ELMOD1: variants seen among roughly 807,000 people sequenced by gnomAD.
ELMOD1 encodes ELMO domain-containing protein 1.
A neutral mutation model predicts 46.7 loss-of-function variants in ELMOD1; 21 were observed. The ratio of observed to expected loss-of-function variants is 0.45; its 90% CI spans 0.32 to 0.65. The LOEUF (loss-of-function observed/expected upper bound fraction) is 0.65, where lower values mean the gene tolerates loss of function less well. Among genes scored for constraint, ELMOD1 ranks in the 30% least tolerant of loss-of-function variants. ELMOD1 has a pLI of 0.04. For synonymous variants in ELMOD1, 122 were observed against 138.2 expected (o/e 0.88, Z 0.82); for missense variants, 348 against 407.8 (o/e 0.85, Z 1.26).
chr11:107,592,905 C>T (rs1452284170), intron 1 of ELMOD1: 1 of 153,062 alleles, frequency 6.5e-6, no homozygotes, highest in Non-Finnish European at 1.5e-5. Flanking sequence ...AAAAAGCCTG[C>T]TTTTCTCCCA....
chr11:107,657,364 C>G (rs994831007), intron 11 of ELMOD1, among the ~76,000 whole-genome samples: 2 of 151,996 alleles, frequency 1.3e-5, no homozygotes, highest in Admixed American at 6.6e-5. Flanking sequence ...GGCAACATAG[C>G]GAGACCCTGA....
Position 107,665,389 on chromosome 11 carries a change from G to A in ELMOD1, c.*192G>A, listed in dbSNP as rs1448040626. 24 of 583,696 alleles carry A rather than the reference G, an allele frequency of 4.1e-5. No homozygotes were observed. The East Asian group carries it at 6.6e-4, about 16-fold the overall frequency. 36.2% of individuals were successfully genotyped at this position (583,696 alleles called of 1,614,324 possible). A position where few individuals can be genotyped will look rare whatever the true frequency, so the allele number is the denominator to read the frequency against. On this transcript the variant is annotated 3_prime_UTR_variant, in exon 12 of 12. Transcript: ENST00000265840. ...CTGTTTCTGGAGTATCTGTCATCCA[G>A]TGACTGCTCATATTGTGGCATTATG...
intron 7 of ELMOD1, among the ~76,000 whole-genome samples, chr11:107,649,173 A>G (rs541762998): frequency 5.9e-5 from 9 of 152,360 alleles, no homozygotes; most frequent in Admixed American, 5.2e-4. Flanking sequence ...GAGCTTTCAA[A>G]TAACTGGGAC....
intron 6 of ELMOD1, among the ~76,000 whole-genome samples, chr11:107,637,326 C>A (rs112572289): frequency 5.3e-4 from 81 of 152,272 alleles, no homozygotes; most frequent in Admixed American, 1.0e-3. Flanking sequence ...GCATTAGGTA[C>A]TTTGGGGAAA....
At position 107,657,217 on chromosome 11, in the gene ELMOD1, C is replaced by T. The variant is rs1404102619; in HGVS notation, c.832+1151C>T. Among the ~76,000 whole-genome samples, 4 of 152,132 alleles carry T rather than the reference C, an allele frequency of 2.6e-5. No individual in the cohort carries two copies. In the East Asian group the frequency reaches 5.8e-4, roughly 22 times the overall value. ...ATGACATTGGACTTCTCAACAGCAA[C>T]GTTGTATTCTAAAAAATAGAATATT... On this transcript the variant is annotated intron_variant, in intron 11 of 11. Coordinates refer to ENST00000265840, the MANE Select transcript of ELMOD1 (RefSeq NM_018712.4).
At chr11:107,620,565 G>A (rs1480173417) in intron 2 of ELMOD1, 1 of 152,214 alleles carries the variant, frequency 6.6e-6, no homozygotes, top group East Asian at 1.9e-4. Context: ...TAGCCATGAT[G>A]TGCATGAAAA....
Position 107,630,399 on chromosome 11 carries a change from G to T in ELMOD1, c.18-18G>T. 1 of 1,584,684 alleles carries T rather than the reference G, an allele frequency of 6.3e-7. No homozygotes were observed. The highest frequency in any genetic ancestry group is 2.3e-5 in the East Asian group (1 of 44,256). ...TCCAGAGTTCTATTGGAAGGGTGCTGTGTTTTGTTTTTCACAGAATGTTGA... is the reference window on the plus strand; with the variant it reads ...TCCAGAGTTCTATTGGAAGGGTGCTTTGTTTTGTTTTTCACAGAATGTTGA... On this transcript the variant is annotated intron_variant, in intron 2 of 11. Transcript: ENST00000265840.
chr11:107,645,010 G>A (rs1358926683), intron 6 of ELMOD1, among the ~76,000 whole-genome samples: 3 of 150,162 alleles, frequency 2.0e-5, no homozygotes, highest in South Asian at 2.1e-4. Flanking sequence ...TGCAAGCTCC[G>A]CCTCTGGGTT....
rs781338940 is a variant in ELMOD1, at chr11:107,647,618, A to G, written c.554+17A>G. On this transcript the variant is annotated intron_variant, in intron 7 of 11. Transcript: ENST00000265840. ...CAATTTGCAGTAAGTAAAATGAAGG[A>G]CAGCTAAGTGTTCGAGTGATGTTTT... 5.0e-6 allele frequency: 8 copies of G among 1,609,288 alleles called. No individual in the cohort carries two copies. In the East Asian group the frequency reaches 6.7e-5, roughly 13 times the overall value.
chr11:107,617,622 C>T (rs922628558), intron 1 of ELMOD1, among the ~76,000 whole-genome samples: 1 of 152,156 alleles, frequency 6.6e-6, no homozygotes, highest in Non-Finnish European at 1.5e-5. Flanking sequence ...TAGTATCTTG[C>T]GCTTTAAGTG....
At position 107,621,594 on chromosome 11, in the gene ELMOD1, T is replaced by G. The variant is rs1480040667; in HGVS notation, c.17+3388T>G. 3.8e-5 allele frequency among the ~76,000 whole-genome samples: 3 copies of G among 78,480 alleles called. No homozygotes were observed. The East Asian group carries it at 1.4e-3, about 36-fold the overall frequency. 51.5% of individuals were successfully genotyped at this position (78,480 alleles called of 152,430 possible). A position where few individuals can be genotyped will look rare whatever the true frequency, so the allele number is the denominator to read the frequency against. On this transcript the variant is annotated intron_variant, in intron 2 of 11. Transcript: ENST00000265840. ...ATTTTACAAAGGAGGACAAGGAGGC[T>G]TAGTAAAGTTAAGTGACTTCAACAA...
At chr11:107,648,796 A>G (rs1202755099) in intron 7 of ELMOD1, among the ~76,000 whole-genome samples, 1 of 149,806 alleles carries the variant, frequency 6.7e-6, no homozygotes, top group Non-Finnish European at 1.5e-5. Context: ...TTAAAACACC[A>G]CTTGTTAACT....
intron 6 of ELMOD1, chr11:107,643,342 G>A (rs1866359536): frequency 4.5e-6 from 1 of 220,958 alleles, no homozygotes; most frequent in Non-Finnish European, 8.9e-6. Flanking sequence ...ACTCCAGCCT[G>A]GGTGACAGAA....
intron 6 of ELMOD1, among the ~76,000 whole-genome samples, chr11:107,646,977 TCTATCTATCTAC>T (rs750235310): frequency 5.7e-4 from 87 of 151,620 alleles, no homozygotes; most frequent in Admixed American, 5.9e-4. Flanking sequence ...TATCTATCTA[TCTATCTATCTAC>T]CTATCTACCT....
At chr11:107,655,907 T>C (rs1378160998) in intron 10 of ELMOD1, 26 bp from the exon 11 acceptor site, 6 of 1,596,392 alleles carry the variant, frequency 3.8e-6, no homozygotes, top group Non-Finnish European at 5.1e-6. Context: ...TGACACACAG[T>C]TGGTTTTGTG....
Position 107,655,573 on chromosome 11 carries a change from C to CTTTTTTTTCTTTT in ELMOD1, c.699-352_699-351insCTTTTTTTTTTTT, listed in dbSNP as rs1555069526. On this transcript the variant is annotated intron_variant, in intron 10 of 11. Coordinates refer to ENST00000265840, the MANE Select transcript of ELMOD1 (RefSeq NM_018712.4). ...ATCAGATTACCCATTATTGAAATGCCTTTTTTTTTTTTTTTGTAAAGTGAA... is the reference window on the plus strand; with the variant it reads ...ATCAGATTACCCATTATTGAAATGCCTTTTTTTTCTTTTTTTTTTTTTTTTTTTGTAAAGTGAA... Among the ~76,000 whole-genome samples the CTTTTTTTTCTTTT allele has an allele frequency of 6.2e-5, 7 of 112,448 alleles. No individual in the cohort carries two copies. In the East Asian group the frequency reaches 1.6e-3, roughly 26 times the overall value. The allele number at this position is 112,448 out of a possible 152,430, so 73.8% of individuals were successfully genotyped here. A position where few individuals can be genotyped will look rare whatever the true frequency, so the allele number is the denominator to read the frequency against.
At chr11:107,656,354 C>CTCCA (rs1253507338) in intron 11 of ELMOD1, among the ~76,000 whole-genome samples, 1 of 150,818 alleles carries the variant, frequency 6.6e-6, no homozygotes, top group Non-Finnish European at 1.5e-5. Context: ...TGCCACTGCA[C>CTCCA]TCCAGCCTGG....
Position 107,630,685 on chromosome 11 carries a change from T to C in ELMOD1, c.164-15T>C. ...GATAATCTTTGAATGACTGTTTTTGTTGCTGCTTTCACAGAAACATCACTG... is the reference window on the plus strand; with the variant it reads ...GATAATCTTTGAATGACTGTTTTTGCTGCTGCTTTCACAGAAACATCACTG... On this transcript the variant is annotated splice_polypyrimidine_tract_variant and intron_variant, in intron 3 of 11. Coordinates refer to ENST00000265840, the MANE Select transcript of ELMOD1 (RefSeq NM_018712.4). 1 of 1,608,276 alleles carries C rather than the reference T, an allele frequency of 6.2e-7. No homozygotes were observed. Among genetic ancestry groups the C allele is most frequent in the Non-Finnish European group, 8.5e-7 (1 of 1,177,140 alleles).
intron 1 of ELMOD1, among the ~76,000 whole-genome samples, chr11:107,607,896 G>T (rs1865712739): frequency 1.3e-5 from 2 of 151,784 alleles, no homozygotes; most frequent in South Asian, 4.1e-4. Flanking sequence ...AAATAATTTA[G>T]ATATTACTGA....
Sources: allele counts gnomAD v4.1 joint callset (sites outside exome capture counted in the v4.1 genomes callset), GRCh38; gene constraint gnomAD v4.1.1; transcripts MANE v1.5; gene names NCBI Gene and HGNC (gene_info 2026-07-23, HGNC 2026-07-21).